The following IRAK3 variants were observed in gnomAD, a reference collection of about 807,000 sequenced individuals.
IRAK3 encodes the protein interleukin-1 receptor-associated kinase 3.
A neutral mutation model predicts 56.6 loss-of-function variants in IRAK3; 57 were observed. The observed-to-expected ratio is 1.01, with a 90% CI of 0.81 to 1.26. IRAK3 has a LOEUF of 1.26. IRAK3 is among the 50% of genes most tolerant of loss of function. The probability of loss-of-function intolerance (pLI) is 0.00; values close to 1 mark genes in which losing one functional copy is unlikely to be tolerated. For missense variants in IRAK3, 703 were observed against 719.0 expected (o/e 0.98, Z 0.25); for synonymous variants, 258 against 255.7 (o/e 1.01, Z -0.09).
chr12:66,245,248 C>A lies in IRAK3; in HGVS notation c.1300C>A (p.Pro434Thr), dbSNP rs1337808915. 22 of 1,613,970 alleles carry A rather than the reference C, an allele frequency of 1.4e-5. No individual in the cohort carries two copies. The highest frequency in any genetic ancestry group is 2.7e-5 in the African/African-American group (2 of 74,868). ...RCAATRAKLR[P>T]SMDEVLNTLE... ...TGCTGCAACGCGGGCAAAGTTAAGA[C>A]CATCAATGGATGAAGTGAGTATATA... is the stretch of plus-strand genomic sequence containing the variant. The change falls in exon 11 of 12, where the codon CCA becomes ACA. Residue 434 changes from proline to threonine, a missense_variant. Pro to Thr is a conservative substitution (Grantham distance 38). Coordinates refer to ENST00000261233, the MANE Select transcript of IRAK3 (RefSeq NM_007199.3).
At chr12:66,209,138 G>A (rs1178795773) in intron 2 of IRAK3, among the ~76,000 whole-genome samples, 3 of 146,588 alleles carry the variant, frequency 2.0e-5, no homozygotes, top group Admixed American at 6.8e-5. Flanking sequence ...TATTTTTAAT[G>A]TCTAACAACA....
intron 1 of IRAK3, among the ~76,000 whole-genome samples, chr12:66,198,633 C>T (rs2701655): frequency 0.23 from 34,191 of 151,792 alleles, 6,862 homozygotes; most frequent in African/African-American, 0.53. Context: ...ACGATTTTAG[C>T]TTACAAAAGA....
At chr12:66,235,815 T>C (rs537812184) in intron 8 of IRAK3, among the ~76,000 whole-genome samples, 1 of 152,244 alleles carries the variant, frequency 6.6e-6, no homozygotes, top group Non-Finnish European at 1.5e-5. Context: ...TTTTGTTTGG[T>C]TGGAGAACCT....
intron 8 of IRAK3, among the ~76,000 whole-genome samples, chr12:66,233,332 C>T (rs2052864068): frequency 6.6e-6 from 1 of 152,260 alleles, no homozygotes; most frequent in East Asian, 1.9e-4. Flanking sequence ...TCCTGGCTAA[C>T]ACGGTGAAAC....
At chr12:66,195,171 TTCTC>T (rs1021760420) in intron 1 of IRAK3, among the ~76,000 whole-genome samples, 1 of 152,216 alleles carries the variant, frequency 6.6e-6, no homozygotes, top group Non-Finnish European at 1.5e-5. Flanking sequence ...ACTTGTCACT[TTCTC>T]TCACAAACCA....
rs571375848 is a variant in IRAK3 at position 66,194,956 on chromosome 12, G to A, written c.133+5524G>A. 7.8e-4 allele frequency among the ~76,000 whole-genome samples: 119 copies of A among 151,966 alleles called. 1 individual carries two copies. The highest frequency in any genetic ancestry group is 2.4e-3 in the African/African-American group (98 of 41,430). On this transcript the variant is annotated intron_variant, in intron 1 of 11. Coordinates refer to ENST00000261233, the MANE Select transcript of IRAK3 (RefSeq NM_007199.3). Reference sequence around the variant, plus strand: ...TCTTCTGTTTATCTGCTAAATTCACGTAAATTCAATCTATATACTACTCCC... The same window carrying A: ...TCTTCTGTTTATCTGCTAAATTCACATAAATTCAATCTATATACTACTCCC...
At chr12:66,244,065 T>C (rs1481826967) in intron 8 of IRAK3, among the ~76,000 whole-genome samples, 2 of 152,222 alleles carry the variant, frequency 1.3e-5, no homozygotes, top group African/African-American at 4.8e-5. Flanking sequence ...GGCTCTGCGC[T>C]CATAAGCTAA....
chr12:66,246,497 C>T (rs1241457464), intron 11 of IRAK3, among the ~76,000 whole-genome samples: 4 of 152,222 alleles, frequency 2.6e-5, no homozygotes. Flanking sequence ...GGCAGGAGAG[C>T]TGTATTCCAG....
intron 8 of IRAK3, among the ~76,000 whole-genome samples, chr12:66,240,911 A>G (rs1456094182): frequency 6.6e-6 from 1 of 151,564 alleles, no homozygotes; most frequent in Non-Finnish European, 1.5e-5. Context: ...ATGCTCTTTC[A>G]TGCCAAATAT....
At chr12:66,195,071 A>T (rs889429913) in intron 1 of IRAK3, among the ~76,000 whole-genome samples, 1 of 152,132 alleles carries the variant, frequency 6.6e-6, no homozygotes, top group South Asian at 2.1e-4. Context: ...CAGCTCAGAA[A>T]TGCTCCCCCA....
intron 6 of IRAK3, among the ~76,000 whole-genome samples, chr12:66,220,696 A>G (rs1592590150): frequency 6.7e-6 from 1 of 149,956 alleles, no homozygotes; most frequent in East Asian, 2.0e-4. Flanking sequence ...AATTTTTTGT[A>G]TTTTTAGTAG....
intron 1 of IRAK3, among the ~76,000 whole-genome samples, chr12:66,190,808 G>A (rs2052391920): frequency 6.6e-6 from 1 of 152,148 alleles, no homozygotes; most frequent in Admixed American, 6.5e-5. Context: ...GGAAGAGCCA[G>A]GATCTGAACC....
At chr12:66,202,321 C>G (rs1290298983) in intron 1 of IRAK3, among the ~76,000 whole-genome samples, 1 of 152,068 alleles carries the variant, frequency 6.6e-6, no homozygotes, top group Non-Finnish European at 1.5e-5. Flanking sequence ...ATTCTGGCAC[C>G]AGGATTGAGC....
rs746587261 is a variant in IRAK3 at position 66,209,455 on chromosome 12, G to A, written c.317-1G>A. On this transcript the variant is annotated splice_acceptor_variant, in intron 2 of 11. Coordinates refer to ENST00000261233, the MANE Select transcript of IRAK3 (RefSeq NM_007199.3). LOFTEE classifies it high-confidence loss of function. ...TCTACCTTCCCATATTTCTCTTTCA[G>A]GAGCAGTGTTGAGTCCTTCAGAGAA... 117 of 1,598,580 alleles carry A rather than the reference G, an allele frequency of 7.3e-5. No individual in the cohort carries two copies. Among genetic ancestry groups the A allele is most frequent in the Non-Finnish European group, 9.7e-5 (113 of 1,166,382 alleles).
chr12:66,208,686 A>C (rs1458365596), intron 2 of IRAK3, among the ~76,000 whole-genome samples: 1 of 151,290 alleles, frequency 6.6e-6, no homozygotes, highest in African/African-American at 2.4e-5. Context: ...ACTTGAACCC[A>C]GGAGGCGGAG....
intron 8 of IRAK3, chr12:66,235,125 C>A: frequency 1.9e-6 from 3 of 1,613,890 alleles, no homozygotes; most frequent in South Asian, 1.1e-5. Flanking sequence ...CTGAGCTGAT[C>A]CCATCCTGAG....
intron 8 of IRAK3, among the ~76,000 whole-genome samples, chr12:66,233,760 G>A (rs1302662922): frequency 1.3e-5 from 2 of 150,124 alleles, no homozygotes; most frequent in Admixed American, 6.6e-5. Flanking sequence ...CCAGAAAATT[G>A]AAGTTTTCTT....
chr12:66,233,536 G>C (rs143935085), intron 8 of IRAK3, among the ~76,000 whole-genome samples: 2 of 149,770 alleles, frequency 1.3e-5, no homozygotes, highest in Non-Finnish European at 3.0e-5. Flanking sequence ...AAAAAGGCCG[G>C]AAAGCTAAGA....
chr12:66,236,890 C>G (rs1005458257), intron 8 of IRAK3, among the ~76,000 whole-genome samples: 1 of 152,094 alleles, frequency 6.6e-6, no homozygotes, highest in Non-Finnish European at 1.5e-5. Flanking sequence ...CAGCCACCTG[C>G]CCACTCTGGA....
Sources: allele counts gnomAD v4.1 joint callset (sites outside exome capture counted in the v4.1 genomes callset), GRCh38; gene constraint gnomAD v4.1.1; transcripts MANE v1.5; gene names NCBI Gene and HGNC (gene_info 2026-07-23, HGNC 2026-07-21).